Variants in NSD1 observed in about 807,000 individuals in gnomAD.
The protein encoded by NSD1 is nuclear receptor binding SET domain protein 1.
Under a neutral mutation model 242.7 loss-of-function variants are expected in NSD1, and 26 were observed. The observed-to-expected ratio is 0.11, with a 90% CI of 0.08 to 0.15. The LOEUF is 0.15. Among genes scored for constraint, NSD1 ranks in the 10% least tolerant of loss-of-function variants. NSD1 has a pLI of 1.00. For missense variants in NSD1, 2,495 were observed against 3,272.8 expected (o/e 0.76, Z 5.80); for synonymous variants, 1,106 against 1,178.1 (o/e 0.94, Z 1.25).
chr5:177,210,951 A>T lies in NSD1; in HGVS notation c.2552A>T (p.Asp851Val), dbSNP rs773406992. 6 of 1,614,090 alleles carry T rather than the reference A, an allele frequency of 3.7e-6. No individual in the cohort carries two copies. In the African/African-American group the frequency reaches 6.7e-5, roughly 18 times the overall value. The change falls in exon 5 of 23, where the codon GAC becomes GTC. Residue 851 changes from aspartate to valine, a missense_variant. By Grantham distance (152) the Asp-to-Val change is radical (BLOSUM62 -3). Coordinates refer to ENST00000439151, the MANE Select transcript of NSD1 (RefSeq NM_022455.5). The part of the protein sequence containing the change: ...NMHEKTRDSS[D>V]IETAVVKHVL... ...CATGAGAAAACCAGGGATTCAAGTG[A>T]CATAGAAACAGCAGTGGTGAAACAT...
At chr5:177,182,701 A>T (rs1760793282) in intron 2 of NSD1, among the ~76,000 whole-genome samples, 1 of 151,960 alleles carries the variant, frequency 6.6e-6, no homozygotes, top group African/African-American at 2.4e-5. Flanking sequence ...CAATGGCGCA[A>T]TCTCAGCTCA....
At chr5:177,133,548 G>T (rs1280562187), upstream of NSD1, 1 of 151,230 alleles carries the variant, frequency 6.6e-6, no homozygotes, top group African/African-American at 2.4e-5. This position sits in a 1 kb window ranked among gnomAD's most constrained non-coding sequence, Gnocchi z 6.2. Flanking sequence ...CGGGCGCGCA[G>T]GGGGAGGGGA....
At position 177,190,763 on chromosome 5, in the gene NSD1, G is replaced by T. The variant is rs563190593; in HGVS notation, c.928-1121G>T. Among the ~76,000 whole-genome samples, 805 of 149,284 alleles carry T rather than the reference G, an allele frequency of 5.4e-3. 6 individuals are homozygous for T. Among genetic ancestry groups the T allele is most frequent in the African/African-American group, 0.019 (762 of 40,468 alleles). Reference sequence around the variant, plus strand: ...CGGCTCACTGCAAGCTCCGCCTCCTGGGTTCACGCCATTCTCCTGCCTCAG... The same window carrying T: ...CGGCTCACTGCAAGCTCCGCCTCCTTGGTTCACGCCATTCTCCTGCCTCAG... On this transcript the variant is annotated intron_variant, in intron 2 of 22. Transcript: ENST00000439151.
intron 2 of NSD1, among the ~76,000 whole-genome samples, chr5:177,163,714 A>G (rs1395146646): frequency 6.6e-6 from 1 of 152,178 alleles, no homozygotes; most frequent in Non-Finnish European, 1.5e-5. Flanking sequence ...TAAGCACCTA[A>G]TAAGTATTAT....
At chr5:177,208,751 C>T (rs145228074) in intron 4 of NSD1, among the ~76,000 whole-genome samples, 2,501 of 151,300 alleles carry the variant, frequency 0.017, 28 homozygotes, top group Non-Finnish European at 0.026. Context: ...TTGCTCTGTC[C>T]CCCATGCTGG....
At position 177,280,711 on chromosome 5, in the gene NSD1, A is replaced by T; in HGVS notation, c.5769A>T (p.Thr1923=). The T allele has an allele frequency of 6.2e-7, 1 of 1,614,240 alleles. No individual in the cohort carries two copies. Among genetic ancestry groups the T allele is most frequent in the Non-Finnish European group, 8.5e-7 (1 of 1,180,036 alleles). The part of the protein sequence containing the change: ...NRMLLYECHP[T]VCPAGGRCQN... ...TGCTGCTCTATGAGTGCCACCCCAC[A>T]GTGTGTCCTGCCGGAGGGCGCTGTC... Residue 1923 remains threonine, a synonymous_variant, in exon 18 of 23, where the codon ACA becomes ACT. Coordinates refer to ENST00000439151, the MANE Select transcript of NSD1 (RefSeq NM_022455.5).
chr5:177,254,336 CTG>C (rs1217469596), intron 12 of NSD1, among the ~76,000 whole-genome samples: 4 of 152,156 alleles, frequency 2.6e-5, no homozygotes, highest in African/African-American at 9.7e-5. Context: ...TTTTTATGGA[CTG>C]TGATTTGCTG....
Position 177,161,683 on chromosome 5 carries a change from T to TC in NSD1, c.927+25653_927+25654insC, listed in dbSNP as rs200344353. 6.8e-5 allele frequency among the ~76,000 whole-genome samples: 10 copies of TC among 145,988 alleles called. 1 individual carries two copies. The highest frequency in any genetic ancestry group is 2.7e-4 in the Admixed American group (4 of 14,836). On this transcript the variant is annotated intron_variant, in intron 2 of 22. Transcript: ENST00000439151. ...CCTGTTTTCTGTTTCTTTCTTTCTT[T>TC]TTTTTTTTTTTTGTTTTTGTTTTTT... is the stretch of plus-strand genomic sequence containing the variant.
At chr5:177,292,936 C>T (rs1309727824) in intron 22 of NSD1, among the ~76,000 whole-genome samples, 3 of 152,202 alleles carry the variant, frequency 2.0e-5, no homozygotes, top group East Asian at 1.9e-4. Flanking sequence ...AGTTGCAGAA[C>T]GTTAAGAACT....
At chr5:177,185,127 G>A (rs1014035045) in intron 2 of NSD1, among the ~76,000 whole-genome samples, 4 of 151,876 alleles carry the variant, frequency 2.6e-5, no homozygotes, top group Admixed American at 6.6e-5. Flanking sequence ...ACTTCCCCTC[G>A]TCTTTACCTC....
chr5:177,279,810 G>A (rs1190168945), intron 17 of NSD1, among the ~76,000 whole-genome samples: 3 of 150,212 alleles, frequency 2.0e-5, no homozygotes, highest in Non-Finnish European at 3.0e-5. Flanking sequence ...GTAGAGACGG[G>A]GTTTCACCGT....
rs114006858 is a variant in NSD1 at position 177,239,486 on chromosome 5, C to T, written c.4193-270C>T. ...CAATCAGTTGTTATAAAGGCAGTTC[C>T]GTCCTTCTGACTTCTCCCTTAGTGA... is the stretch of plus-strand genomic sequence containing the variant. On this transcript the variant is annotated intron_variant, in intron 7 of 22. Coordinates refer to ENST00000439151, the MANE Select transcript of NSD1 (RefSeq NM_022455.5). 2.8e-3 allele frequency among the ~76,000 whole-genome samples: 431 copies of T among 152,326 alleles called. 2 individuals are homozygous for T. Among genetic ancestry groups the T allele is most frequent in the African/African-American group, 9.1e-3 (378 of 41,588 alleles).
chr5:177,266,374 GCGAACATGCAGAGGATGCTTGTGTC>G lies in NSD1; in HGVS notation c.5147-1184_5147-1160del, dbSNP rs1581487130. 4.4e-6 allele frequency: 3 copies of G among 680,132 alleles called. No individual in the cohort carries two copies. In the East Asian group the frequency reaches 9.3e-5, roughly 21 times the overall value. 42.1% of individuals were successfully genotyped at this position (680,132 alleles called of 1,614,324 possible). ...TGACCTTGCGGGCCCGGCCTTGGCG[GCGAACATGCAGAGGATGCTTGTGTC>G]CGAGCCCACATCCAGCACCACCTTG... is the stretch of plus-strand genomic sequence containing the variant. On this transcript the variant is annotated intron_variant, in intron 14 of 22. Coordinates refer to ENST00000439151, the MANE Select transcript of NSD1 (RefSeq NM_022455.5).
chr5:177,197,644 A>G (rs1046410797), intron 3 of NSD1, among the ~76,000 whole-genome samples: 8 of 152,134 alleles, frequency 5.3e-5, no homozygotes, highest in African/African-American at 1.7e-4. Context: ...AAACAGAACA[A>G]TTACACTGTA....
intron 6 of NSD1, among the ~76,000 whole-genome samples, chr5:177,237,518 TTTA>T (rs1255130102): frequency 2.0e-5 from 3 of 148,534 alleles, no homozygotes; most frequent in African/African-American, 7.3e-5. Context: ...TAATGTAAAT[TTTA>T]TTATTTTATC....
chr5:177,283,208 A>G (rs1581534002), intron 19 of NSD1, among the ~76,000 whole-genome samples: 1 of 151,932 alleles, frequency 6.6e-6, no homozygotes, highest in South Asian at 2.1e-4. Flanking sequence ...CCTGCCTCGG[A>G]CTCCCAAAGT....
At chr5:177,190,675 T>G (rs1033891160) in intron 2 of NSD1, among the ~76,000 whole-genome samples, 3 of 150,060 alleles carry the variant, frequency 2.0e-5, no homozygotes, top group Non-Finnish European at 4.5e-5. Context: ...AATCCCAGGT[T>G]TTTTTTTTTT....
Position 177,181,038 on chromosome 5 carries a change from G to A in NSD1, c.928-10846G>A, listed in dbSNP as rs114348876. The stretch of plus-strand genomic sequence containing the variant: ...TTTTGTAGATGAGCAAAAAAATGTG[G>A]TTTCTTTTTTTTTTTTTTGAGATGG... On this transcript the variant is annotated intron_variant, in intron 2 of 22. Coordinates refer to ENST00000439151, the MANE Select transcript of NSD1 (RefSeq NM_022455.5). 8.0e-3 allele frequency among the ~76,000 whole-genome samples: 1,169 copies of A among 146,068 alleles called. 19 individuals carry two copies. Among genetic ancestry groups the A allele is most frequent in the African/African-American group, 0.028 (1,115 of 39,524 alleles).
chr5:177,274,243 G>T (rs527528033), intron 17 of NSD1, among the ~76,000 whole-genome samples: 1 of 152,320 alleles, frequency 6.6e-6, no homozygotes, highest in African/African-American at 2.4e-5. Flanking sequence ...TTGATTTTAG[G>T]TGGACCTAAC....
Sources: gnomAD v4.1 joint callset for allele counts (sites outside exome capture counted in the v4.1 genomes callset) on GRCh38, gnomAD v4.1.1 for gene constraint, Gnocchi (gnomAD v3.1) non-coding constraint, MANE v1.5 for transcripts, NCBI Gene and HGNC (gene_info 2026-07-23, HGNC 2026-07-21) for gene names.